PRKCQ: variants seen among roughly 807,000 people sequenced by gnomAD.
PRKCQ encodes protein kinase C theta type.
A neutral mutation model predicts 91.2 loss-of-function variants in PRKCQ; 41 were observed. The ratio of observed to expected loss-of-function variants is 0.45; its 90% confidence interval spans 0.35 to 0.58. The LOEUF is 0.58. Among genes scored for constraint, PRKCQ ranks in the 20% least tolerant of loss-of-function variants. The pLI is 0.00. For synonymous variants in PRKCQ, 307 were observed against 316.9 expected (o/e 0.97, Z 0.33); for missense variants, 673 against 896.5 (o/e 0.75, Z 3.18).
chr10:6,517,173 C>A (rs553018882), intron 1 of PRKCQ, among the ~76,000 whole-genome samples: 3 of 152,232 alleles, frequency 2.0e-5, no homozygotes, highest in Admixed American at 6.5e-5. Flanking sequence ...CCGAACTACA[C>A]AGAGTGCTTT....
At chr10:6,508,109 T>G (rs1210927855) in intron 3 of PRKCQ, among the ~76,000 whole-genome samples, 2 of 152,222 alleles carry the variant, frequency 1.3e-5, no homozygotes, top group Non-Finnish European at 2.9e-5. Flanking sequence ...TATAAATACA[T>G]ACTTCAGTAC....
intron 14 of PRKCQ, among the ~76,000 whole-genome samples, chr10:6,457,540 T>C (rs1230825101): frequency 6.6e-6 from 1 of 152,168 alleles, no homozygotes; most frequent in Admixed American, 6.5e-5. Context: ...CCTTTTGACC[T>C]TGTACCACAG....
At chr10:6,562,687 A>G (rs1190402696) in intron 1 of PRKCQ, among the ~76,000 whole-genome samples, 1 of 152,228 alleles carries the variant, frequency 6.6e-6, no homozygotes, top group African/African-American at 2.4e-5. Context: ...GCTTTGCTAC[A>G]TGGAGTATTA....
chr10:6,472,765 T>G (rs1836059245), intron 12 of PRKCQ, among the ~76,000 whole-genome samples: 1 of 152,202 alleles, frequency 6.6e-6, no homozygotes, highest in Non-Finnish European at 1.5e-5. Context: ...CATGCTGGAG[T>G]GCAGTGGTGT....
At chr10:6,395,068 T>C in the PRKCQ span, among the ~76,000 whole-genome samples, 3 of 146,864 alleles carry the variant, frequency 2.0e-5, no homozygotes, top group Admixed American at 6.7e-5. Context: ...TTTTTTTTTT[T>C]TTTTTTTTTT....
chr10:6,552,054 C>T (rs1426515639), intron 1 of PRKCQ, among the ~76,000 whole-genome samples: 3 of 152,136 alleles, frequency 2.0e-5, no homozygotes, highest in Non-Finnish European at 4.4e-5. Context: ...TTTTGATTTG[C>T]ATTTCTCTAA....
At chr10:6,525,854 G>A (rs569339355) in intron 1 of PRKCQ, among the ~76,000 whole-genome samples, 39 of 152,234 alleles carry the variant, frequency 2.6e-4, no homozygotes, top group African/African-American at 9.1e-4. Flanking sequence ...GCTGGCATGG[G>A]GGTGGGGTCA....
chr10:6,471,300 G>T (rs913676337), intron 12 of PRKCQ, among the ~76,000 whole-genome samples: 8 of 152,176 alleles, frequency 5.3e-5, no homozygotes, highest in African/African-American at 1.9e-4. Flanking sequence ...ACATATGAAA[G>T]AAGTCACAGA....
chr10:6,416,230 A>G, the PRKCQ span, among the ~76,000 whole-genome samples: 1 of 29,820 alleles, frequency 3.4e-5, no homozygotes. Context: ...TTTTATTTCA[A>G]TAGTTTTTTT....
Position 6,494,953 on chromosome 10 carries a change from G to A in PRKCQ, c.660+2082C>T, listed in dbSNP as rs536150413. Among the ~76,000 whole-genome samples, 6 of 152,198 alleles carry A rather than the reference G, an allele frequency of 3.9e-5. No homozygotes were observed. The South Asian group carries it at 6.2e-4, about 16-fold the overall frequency. On this transcript the variant is annotated intron_variant, in intron 7 of 17. Transcript: ENST00000263125. ...CTCTCCTTCCAGTCTTCTTCACTCC[G>A]TCGTGGCTCTGTTATCTACCACACT...
intron 16 of PRKCQ, among the ~76,000 whole-genome samples, chr10:6,436,104 A>T (rs969957182): frequency 3.9e-5 from 6 of 151,934 alleles, no homozygotes; most frequent in Non-Finnish European, 8.8e-5. Flanking sequence ...ACAGAGCGAC[A>T]CTCTGTCTTA....
chr10:6,485,805 T>A (rs940082415), intron 9 of PRKCQ, among the ~76,000 whole-genome samples: 4 of 152,256 alleles, frequency 2.6e-5, no homozygotes, highest in Admixed American at 1.3e-4. Flanking sequence ...GCAATGCTCA[T>A]GCCATGAAGA....
chr10:6,575,909 G>A (rs563864541), intron 1 of PRKCQ, among the ~76,000 whole-genome samples: 5 of 151,252 alleles, frequency 3.3e-5, no homozygotes, highest in African/African-American at 4.9e-5. Context: ...GTGTGGCAGC[G>A]CGTGCCTATA....
intron 16 of PRKCQ, among the ~76,000 whole-genome samples, chr10:6,432,438 C>T (rs571328337): frequency 6.6e-6 from 1 of 152,102 alleles, no homozygotes; most frequent in Non-Finnish European, 1.5e-5. Flanking sequence ...AATGTTTGTG[C>T]AATCACCCGG....
At chr10:6,474,287 G>A (rs1200383803) in intron 12 of PRKCQ, among the ~76,000 whole-genome samples, 2 of 152,176 alleles carry the variant, frequency 1.3e-5, no homozygotes, top group African/African-American at 2.4e-5. Flanking sequence ...GCAAAACCAC[G>A]GCGGCCTGCC....
At chr10:6,496,995 T>C in intron 7 of PRKCQ, 40 bp downstream of exon 7, 1 of 1,560,510 alleles carries the variant, frequency 6.4e-7, no homozygotes, top group Non-Finnish European at 8.8e-7. Flanking sequence ...AACGTTCTGA[T>C]AAAAATCACT....
At chr10:6,513,543 G>T (rs1211661778) in intron 2 of PRKCQ, among the ~76,000 whole-genome samples, 1 of 151,990 alleles carries the variant, frequency 6.6e-6, no homozygotes, top group African/African-American at 2.4e-5. Context: ...TAAGTCAAAG[G>T]CGGCTTTGAA....
chr10:6,491,938 C>T (rs3815974), intron 7 of PRKCQ, 126 bp from the exon 8 acceptor site: 555,458 of 1,371,418 alleles, frequency 0.41, 113,357 homozygotes, highest in African/African-American at 0.48. Flanking sequence ...GCATTTTAAA[C>T]CATCATTGTC....
chr10:6,515,187 AGAT>A (rs1838697941), intron 1 of PRKCQ, 43 bp from the exon 2 acceptor site: 3 of 1,608,600 alleles, frequency 1.9e-6, no homozygotes, highest in Non-Finnish European at 2.5e-6. Flanking sequence ...GGGCTATAAA[AGAT>A]ATTATTTTTG....
Sources: gnomAD v4.1 joint callset for allele counts (sites outside exome capture counted in the v4.1 genomes callset) on GRCh38, gnomAD v4.1.1 for gene constraint, MANE v1.5 for transcripts, NCBI Gene and HGNC (gene_info 2026-07-23, HGNC 2026-07-21) for gene names.